B3GALT1: variants seen among roughly 807,000 people sequenced by gnomAD.
B3GALT1 encodes beta-1,3-galactosyltransferase 1.
In B3GALT1, 10 loss-of-function variants were observed where a neutral mutation model predicts 23.2. The observed-to-expected ratio is 0.43, with a 90% CI of 0.27 to 0.73. B3GALT1 has a LOEUF of 0.73. Ranked by LOEUF, B3GALT1 falls within the 30% of genes least tolerant of loss-of-function variation. The probability of loss-of-function intolerance (pLI) is 0.21; values close to 1 mark genes in which losing one functional copy is unlikely to be tolerated. For missense variants in B3GALT1, 299 were observed against 405.4 expected, an observed-to-expected ratio of 0.74 and a Z score of 2.25; for synonymous variants, 156 against 141.5, an observed-to-expected ratio of 1.10 and a Z score of -0.73.
At chr2:167,689,390 C>T (rs1686673605) in intron 3 of B3GALT1, among the ~76,000 whole-genome samples, 1 of 151,996 alleles carries the variant, frequency 6.6e-6, no homozygotes. Context: ...CACCAACAGA[C>T]ATACCTGAAA....
At chr2:167,710,332 G>T (rs1385032378) in intron 3 of B3GALT1, among the ~76,000 whole-genome samples, 1 of 152,100 alleles carries the variant, frequency 6.6e-6, no homozygotes, top group Admixed American at 6.6e-5. Context: ...GACCCAGTAG[G>T]GTGTCAATCC....
intron 2 of B3GALT1, among the ~76,000 whole-genome samples, chr2:167,492,159 T>G (rs1157096413): frequency 6.6e-6 from 1 of 152,174 alleles, no homozygotes; most frequent in Non-Finnish European, 1.5e-5. Flanking sequence ...CACTGAAACC[T>G]GGCAATCTCT....
At chr2:167,836,277 G>T (rs1007715888) in intron 4 of B3GALT1, among the ~76,000 whole-genome samples, 6 of 152,034 alleles carry the variant, frequency 3.9e-5, no homozygotes, top group Non-Finnish European at 5.9e-5. Flanking sequence ...TAAAAACTTT[G>T]AAAAAAATTT....
At chr2:167,307,960 C>T (rs1397801139) in intron 1 of B3GALT1, among the ~76,000 whole-genome samples, 1 of 62,244 alleles carries the variant, frequency 1.6e-5, no homozygotes, top group African/African-American at 3.7e-5. Flanking sequence ...TATGATATAA[C>T]AAAACTTGAA....
chr2:167,657,736 C>A (rs138491138), intron 3 of B3GALT1, among the ~76,000 whole-genome samples: 185 of 151,858 alleles, frequency 1.2e-3, no homozygotes, highest in African/African-American at 4.0e-3. Context: ...TTTTTTGAAC[C>A]CTTCCTAAAC....
intron 3 of B3GALT1, among the ~76,000 whole-genome samples, chr2:167,673,623 A>G (rs749467209): frequency 3.3e-5 from 5 of 151,972 alleles, no homozygotes; most frequent in African/African-American, 1.2e-4. Context: ...ATAAATATAT[A>G]TTTATAAAAT....
intron 2 of B3GALT1, among the ~76,000 whole-genome samples, chr2:167,514,343 A>G (rs554666142): frequency 6.6e-6 from 1 of 152,352 alleles, no homozygotes; most frequent in East Asian, 1.9e-4. Flanking sequence ...GGAACTGAAT[A>G]AGCAAAATCA....
chr2:167,681,257 TA>T (rs1473187718), intron 3 of B3GALT1, among the ~76,000 whole-genome samples: 2 of 152,160 alleles, frequency 1.3e-5, no homozygotes, highest in East Asian at 1.9e-4. Context: ...TATATATATA[TA>T]TTTTTTTAAT....
intron 2 of B3GALT1, among the ~76,000 whole-genome samples, chr2:167,622,206 CCAATGATGATTATTT>C (rs1401790591): frequency 3.3e-5 from 5 of 152,022 alleles, no homozygotes; most frequent in African/African-American, 1.2e-4. Context: ...ACCACTTTAG[CCAATGATGATTATTT>C]CATCCCCTCT....
At chr2:167,713,807 T>C in intron 3 of B3GALT1, 1 of 1,593,060 alleles carries the variant, frequency 6.3e-7, no homozygotes, top group Non-Finnish European at 8.6e-7. Flanking sequence ...CCTCTGTGGA[T>C]AGATGTTTCT....
At chr2:167,673,551 G>A (rs1184894897) in intron 3 of B3GALT1, among the ~76,000 whole-genome samples, 2 of 151,864 alleles carry the variant, frequency 1.3e-5, no homozygotes, top group African/African-American at 4.8e-5. Context: ...CAAGCACTTA[G>A]GGATATACTT....
At position 167,389,994 on chromosome 2, in the gene B3GALT1, T is replaced by A. The variant is rs73021740; in HGVS notation, c.-511+96660T>A. On this transcript the variant is annotated intron_variant, in intron 1 of 4. Coordinates refer to ENST00000392690, the MANE Select transcript of B3GALT1 (RefSeq NM_020981.4). ...GTTCTGGAAATGGCCTCATTGTGAC[T>A]GAGAGGGACATGAGCTGTATTAAGG... Among the ~76,000 whole-genome samples, 1,238 of 150,718 alleles carry A rather than the reference T, an allele frequency of 8.2e-3. 24 individuals are homozygous for A. The highest frequency in any genetic ancestry group is 0.029 in the African/African-American group (1,177 of 40,998).
At chr2:167,559,544 T>C (rs946684689) in intron 2 of B3GALT1, among the ~76,000 whole-genome samples, 18 of 152,044 alleles carry the variant, frequency 1.2e-4, no homozygotes, top group Admixed American at 5.2e-4. Context: ...AGCAAAGAAG[T>C]TGAAAACTTT....
chr2:167,721,100 TTCTC>T (rs1007706551), intron 3 of B3GALT1, among the ~76,000 whole-genome samples: 1 of 152,124 alleles, frequency 6.6e-6, no homozygotes, highest in Non-Finnish European at 1.5e-5. Flanking sequence ...ACTCTTTCTC[TTCTC>T]TCTCTCATCT....
chr2:167,533,018 C>T (rs556542875), intron 2 of B3GALT1, among the ~76,000 whole-genome samples: 25 of 151,082 alleles, frequency 1.7e-4, no homozygotes, highest in South Asian at 2.1e-4. Context: ...TGCGCCATCA[C>T]GCCTGGCTAA....
chr2:167,608,719 T>C (rs554166288), intron 2 of B3GALT1, among the ~76,000 whole-genome samples: 43 of 152,178 alleles, frequency 2.8e-4, no homozygotes, highest in Non-Finnish European at 5.0e-4. Flanking sequence ...AACCATCAAA[T>C]GTGATGGAAA....
chr2:167,596,518 ATAAT>A (rs1214610022), intron 2 of B3GALT1, among the ~76,000 whole-genome samples: 1 of 152,224 alleles, frequency 6.6e-6, no homozygotes, highest in Non-Finnish European at 1.5e-5. Flanking sequence ...CACTTTAAGG[ATAAT>A]TAGAGATACT....
intron 2 of B3GALT1, among the ~76,000 whole-genome samples, chr2:167,513,574 AAAG>A (rs1209976089): frequency 2.0e-5 from 3 of 152,310 alleles, no homozygotes; most frequent in South Asian, 4.1e-4. Context: ...TTTATGTTGA[AAAG>A]AAGTGAAATG....
intron 2 of B3GALT1, among the ~76,000 whole-genome samples, chr2:167,504,224 A>C (rs909381592): frequency 6.6e-6 from 1 of 152,200 alleles, no homozygotes; most frequent in African/African-American, 2.4e-5. Context: ...AATGTCTTCT[A>C]TTATTTAGTT....
Sources: allele counts gnomAD v4.1 joint callset (sites outside exome capture counted in the v4.1 genomes callset), GRCh38; gene constraint gnomAD v4.1.1; transcripts MANE v1.5; gene names NCBI Gene and HGNC (gene_info 2026-07-23, HGNC 2026-07-21).